The following APBA1 variants were observed in gnomAD, a reference collection of about 807,000 sequenced individuals.
APBA1 encodes the protein amyloid beta precursor protein binding family A member 1, also known as amyloid-beta A4 precursor protein-binding family A member 1.
APBA1 carries 55 observed loss-of-function variants against 86.6 expected under a neutral mutation model. That is an observed-to-expected ratio of 0.64 (90% CI 0.51 to 0.80). APBA1 has a LOEUF of 0.80. Among genes scored for constraint, APBA1 ranks in the 30% least tolerant of loss-of-function variants. The pLI is 0.00. For missense variants in APBA1, 1,090 were observed against 1,183.0 expected (o/e 0.92, Z 1.15); for synonymous variants, 511 against 493.9 (o/e 1.03, Z -0.46).
At chr9:69,529,505 G>A (rs969838605) in intron 1 of APBA1, among the ~76,000 whole-genome samples, 2 of 152,044 alleles carry the variant, frequency 1.3e-5, no homozygotes, top group Admixed American at 6.6e-5. Context: ...ATGACAAGTC[G>A]ATAATCTGGA....
intron 1 of APBA1, among the ~76,000 whole-genome samples, chr9:69,550,718 G>A (rs1025955398): frequency 3.9e-5 from 6 of 152,220 alleles, no homozygotes; most frequent in Admixed American, 3.9e-4. Flanking sequence ...GAGAAGTGCT[G>A]TAAAGAGAAT....
intron 1 of APBA1, among the ~76,000 whole-genome samples, chr9:69,553,218 G>T (rs1836814292): frequency 6.6e-6 from 1 of 152,048 alleles, no homozygotes; most frequent in Non-Finnish European, 1.5e-5. Context: ...TTTAATGGAG[G>T]TATAACTTAG....
At chr9:69,439,929 C>G (rs1463532394) in intron 11 of APBA1, among the ~76,000 whole-genome samples, 1 of 152,202 alleles carries the variant, frequency 6.6e-6, no homozygotes, top group Non-Finnish European at 1.5e-5. Context: ...TACCTTTGGT[C>G]TTTGATGATG....
intron 1 of APBA1, among the ~76,000 whole-genome samples, chr9:69,633,114 CTTTTA>C (rs150543042): frequency 1.6e-4 from 23 of 146,976 alleles, no homozygotes; most frequent in African/African-American, 1.2e-4. Context: ...GTAACTGTGT[CTTTTA>C]TTTTATTTTA....
chr9:69,610,406 G>C (rs145943287), intron 1 of APBA1, among the ~76,000 whole-genome samples: 1 of 152,076 alleles, frequency 6.6e-6, no homozygotes, highest in Non-Finnish European at 1.5e-5. Flanking sequence ...AGCCCTTTCT[G>C]GTATACGAAC....
intron 1 of APBA1, among the ~76,000 whole-genome samples, chr9:69,525,477 T>C (rs1836327569): frequency 6.6e-6 from 1 of 151,966 alleles, no homozygotes; most frequent in Non-Finnish European, 1.5e-5. Context: ...CAATTCCGTT[T>C]CAAATACCTG....
At chr9:69,562,764 C>T (rs1836966802) in intron 1 of APBA1, among the ~76,000 whole-genome samples, 2 of 151,976 alleles carry the variant, frequency 1.3e-5, no homozygotes, top group East Asian at 1.9e-4. Flanking sequence ...GTATGGTTAG[C>T]CTGCTGGAAA....
chr9:69,516,214 C>A lies in APBA1; in HGVS notation c.997G>T (p.Glu333Ter). The stretch of plus-strand genomic sequence containing the variant: ...TCCTTGCTGTACCGCTGCCCCGCCT[C>A]GCCGCCGCCCGCGGGGCCCACCGCC... ...QRAVGPAGGG[E>*]AGQRYSKEKR... Residue 333 changes from glutamate (E) to a stop codon, truncating the protein, a stop_gained, in exon 2 of 13, where the codon GAG becomes TAG. Transcript: ENST00000265381. LOFTEE classifies it high-confidence loss of function. This position sits in a 1 kb window ranked among gnomAD's most constrained non-coding sequence, Gnocchi z 7.3. 1 of 1,499,350 alleles carries A rather than the reference C, an allele frequency of 6.7e-7. No homozygotes were observed. Among genetic ancestry groups the A allele is most frequent in the South Asian group, 1.3e-5 (1 of 77,500 alleles). The allele number at this position is 1,499,350 out of a possible 1,614,324, so 92.9% of individuals were successfully genotyped here.
At chr9:69,482,774 C>T (rs1200331982) in intron 2 of APBA1, among the ~76,000 whole-genome samples, 5 of 151,762 alleles carry the variant, frequency 3.3e-5, no homozygotes, top group African/African-American at 9.7e-5. Context: ...CACATATACA[C>T]CATGGAATAC....
intron 2 of APBA1, among the ~76,000 whole-genome samples, chr9:69,500,848 C>T (rs1333332354): frequency 6.6e-6 from 1 of 152,078 alleles, no homozygotes; most frequent in Non-Finnish European, 1.5e-5. Flanking sequence ...CGCATGATTA[C>T]AAGCATGGGG....
rs375965308 is a variant in APBA1, at chr9:69,606,653, G to A, written c.-70+65500C>T. ...ACTACAGGCGCCCACCACCACGCCCGGCTAATTTTTTTGTATTTTTAGTAG... is the reference window on the plus strand; with the variant it reads ...ACTACAGGCGCCCACCACCACGCCCAGCTAATTTTTTTGTATTTTTAGTAG... On this transcript the variant is annotated intron_variant, in intron 1 of 12. Transcript: ENST00000265381. Among the ~76,000 whole-genome samples, 235 of 151,772 alleles carry A rather than the reference G, an allele frequency of 1.5e-3. 2 individuals carry two copies. The East Asian group carries it at 0.021, about 13-fold the overall frequency.
chr9:69,669,325 C>T (rs980229452), intron 1 of APBA1, among the ~76,000 whole-genome samples: 3 of 152,066 alleles, frequency 2.0e-5, no homozygotes, highest in African/African-American at 7.2e-5. Flanking sequence ...TATCTCTTAC[C>T]CCTAAGTCTT....
At chr9:69,548,505 G>A (rs985031235) in intron 1 of APBA1, among the ~76,000 whole-genome samples, 4 of 152,194 alleles carry the variant, frequency 2.6e-5, no homozygotes, top group East Asian at 1.9e-4. Context: ...AAGCTCTTCC[G>A]AAATATTCTT....
intron 10 of APBA1, among the ~76,000 whole-genome samples, chr9:69,448,110 CT>C (rs1294594010): frequency 2.0e-5 from 3 of 152,162 alleles, no homozygotes; most frequent in Non-Finnish European, 2.9e-5. Flanking sequence ...ACACCGGCCC[CT>C]GTCCATCAAT....
At chr9:69,637,391 A>G (rs1823202279) in intron 1 of APBA1, among the ~76,000 whole-genome samples, 1 of 152,224 alleles carries the variant, frequency 6.6e-6, no homozygotes, top group Non-Finnish European at 1.5e-5. Flanking sequence ...TGTAACAGAA[A>G]GAAAAGATAC....
rs1359634254 is a variant in APBA1, at chr9:69,652,387, G to T, written c.-70+19766C>A. 2.0e-5 allele frequency among the ~76,000 whole-genome samples: 3 copies of T among 152,114 alleles called. No homozygotes were observed. In the East Asian group the frequency reaches 5.8e-4, roughly 29 times the overall value. On this transcript the variant is annotated intron_variant, in intron 1 of 12. Coordinates refer to ENST00000265381, the MANE Select transcript of APBA1 (RefSeq NM_001163.4). ...GCAGGGCAAAATAGGGGTACAGGGA[G>T]GGGGATATGTTGGGAGCAAAAGGCA... is the stretch of plus-strand genomic sequence containing the variant.
intron 1 of APBA1, among the ~76,000 whole-genome samples, chr9:69,520,218 C>G (rs925561904): frequency 3.3e-5 from 5 of 151,646 alleles, no homozygotes; most frequent in Non-Finnish European, 7.4e-5. Flanking sequence ...AGGTTTATCC[C>G]TACACACAAG....
chr9:69,613,995 G>C (rs1308984296), intron 1 of APBA1, among the ~76,000 whole-genome samples: 1 of 152,020 alleles, frequency 6.6e-6, no homozygotes, highest in Non-Finnish European at 1.5e-5. Context: ...TAAAGATTTT[G>C]AGTTTTATCA....
At chr9:69,625,701 T>G (rs1822915395) in intron 1 of APBA1, among the ~76,000 whole-genome samples, 2 of 152,308 alleles carry the variant, frequency 1.3e-5, no homozygotes, top group South Asian at 4.1e-4. Context: ...TTTCATTTGT[T>G]CTTTGTAAAA....
Sources: allele counts gnomAD v4.1 joint callset (sites outside exome capture counted in the v4.1 genomes callset), GRCh38; gene constraint gnomAD v4.1.1; non-coding constraint Gnocchi (gnomAD v3.1); transcripts MANE v1.5; gene names NCBI Gene and HGNC (gene_info 2026-07-23, HGNC 2026-07-21).